Variants in MAGI2 observed in about 807,000 individuals in gnomAD.
The protein encoded by MAGI2 is membrane-associated guanylate kinase, WW and PDZ domain-containing protein 2.
A neutral mutation model predicts 133.3 loss-of-function variants in MAGI2; 35 were observed. The ratio of observed to expected loss-of-function variants is 0.26; its 90% CI spans 0.20 to 0.35. The LOEUF (loss-of-function observed/expected upper bound fraction) is 0.35, where lower values mean the gene tolerates loss of function less well. MAGI2 is among the 10% of genes least tolerant of loss of function. MAGI2 has a pLI of 1.00. For synonymous variants in MAGI2, 729 were observed against 710.6 expected (o/e 1.03, Z -0.41); for missense variants, 1,636 against 1,863.4 (o/e 0.88, Z 2.25).
At chr7:79,020,321 G>A (rs1263405677) in intron 1 of MAGI2, among the ~76,000 whole-genome samples, 1 of 152,152 alleles carries the variant, frequency 6.6e-6, no homozygotes, top group Non-Finnish European at 1.5e-5. Context: ...TCAGTGTTAT[G>A]TATTCACAAA....
intron 2 of MAGI2, among the ~76,000 whole-genome samples, chr7:78,875,447 G>A (rs553474838): frequency 2.0e-5 from 3 of 152,248 alleles, no homozygotes; most frequent in South Asian, 4.1e-4. Flanking sequence ...AAACTACACA[G>A]GCTCAGAAGA....
At chr7:78,853,348 T>TCG (rs1793329079) in intron 2 of MAGI2, among the ~76,000 whole-genome samples, 2 of 86,004 alleles carry the variant, frequency 2.3e-5, no homozygotes, top group African/African-American at 8.6e-5. Context: ...TTTTTTTTTT[T>TCG]TTTTTTTTTT....
chr7:79,310,309 G>A (rs1056411770), intron 1 of MAGI2, among the ~76,000 whole-genome samples: 4 of 151,734 alleles, frequency 2.6e-5, no homozygotes, highest in Admixed American at 6.6e-5. Flanking sequence ...AATCCATGGA[G>A]GGATGAAAGA....
chr7:78,342,203 A>AT (rs1221590630), intron 9 of MAGI2, among the ~76,000 whole-genome samples: 2 of 152,246 alleles, frequency 1.3e-5, no homozygotes, highest in African/African-American at 4.8e-5. Context: ...AACATAAAAA[A>AT]AGGCTCATCA....
At chr7:78,506,465 G>T (rs766166659) in intron 4 of MAGI2, among the ~76,000 whole-genome samples, 18 of 152,098 alleles carry the variant, frequency 1.2e-4, no homozygotes, top group Admixed American at 1.1e-3. Flanking sequence ...CAAGAGACAG[G>T]GTGAGAAGTG....
chr7:78,580,216 C>T (rs1802693656), intron 3 of MAGI2, among the ~76,000 whole-genome samples: 1 of 151,940 alleles, frequency 6.6e-6, no homozygotes, highest in Non-Finnish European at 1.5e-5. Context: ...AGATCAAAAA[C>T]ACACATGCTA....
At chr7:78,218,779 G>T (rs1280066979) in intron 10 of MAGI2, among the ~76,000 whole-genome samples, 3 of 152,176 alleles carry the variant, frequency 2.0e-5, no homozygotes, top group African/African-American at 2.4e-5. Flanking sequence ...GTAGCGTGGG[G>T]CTCATTCTCA....
chr7:78,739,135 T>C (rs1386266325), intron 2 of MAGI2, among the ~76,000 whole-genome samples: 1 of 152,154 alleles, frequency 6.6e-6, no homozygotes, highest in Non-Finnish European at 1.5e-5. Flanking sequence ...AATGCTTTTT[T>C]CCCCCTCAGT....
intron 6 of MAGI2, among the ~76,000 whole-genome samples, chr7:78,481,318 T>C (rs1000020927): frequency 1.3e-5 from 2 of 151,196 alleles, no homozygotes; most frequent in African/African-American, 4.9e-5. Flanking sequence ...AGAGGGAGAG[T>C]GTGTGTGAGT....
At chr7:78,802,293 TA>T (rs1788134297) in intron 2 of MAGI2, among the ~76,000 whole-genome samples, 1 of 152,220 alleles carries the variant, frequency 6.6e-6, no homozygotes, top group African/African-American at 2.4e-5. Context: ...AGTGTTTTTT[TA>T]ATGCCTGTAT....
chr7:78,255,826 T>C (rs1163276688), intron 10 of MAGI2, 117 bp downstream of exon 10: 1 of 1,097,366 alleles, frequency 9.1e-7, no homozygotes, highest in Non-Finnish European at 1.3e-6. Flanking sequence ...TCTTTAAGCT[T>C]TATTTTTTAA....
chr7:78,183,353 C>T (rs1334459378), intron 13 of MAGI2, among the ~76,000 whole-genome samples: 3 of 150,442 alleles, frequency 2.0e-5, no homozygotes, highest in Non-Finnish European at 3.0e-5. Flanking sequence ...GCAACCTCCA[C>T]TTCCCAGGTT....
chr7:78,252,915 T>A (rs1014336269), intron 10 of MAGI2: 5 of 130,450 alleles, frequency 3.8e-5, no homozygotes, highest in African/African-American at 1.2e-4. Flanking sequence ...CACTCCAGCC[T>A]GGGCAACAGA....
chr7:78,539,642 G>A (rs1798247678), intron 3 of MAGI2, among the ~76,000 whole-genome samples: 1 of 152,118 alleles, frequency 6.6e-6, no homozygotes, highest in Non-Finnish European at 1.5e-5. Flanking sequence ...TTGAATCAAT[G>A]TTGACCAGGC....
intron 1 of MAGI2, among the ~76,000 whole-genome samples, chr7:79,416,714 C>CTT (rs1434721644): frequency 8.9e-6 from 1 of 111,844 alleles, no homozygotes; most frequent in East Asian, 3.0e-4. Flanking sequence ...TTTTTCTTTT[C>CTT]TTTTCTTTTT....
chr7:79,321,174 A>G (rs1465668652), intron 1 of MAGI2, among the ~76,000 whole-genome samples: 1 of 152,188 alleles, frequency 6.6e-6, no homozygotes, highest in Non-Finnish European at 1.5e-5. Context: ...TCACTTAATA[A>G]CACTGTTAAT....
intron 9 of MAGI2, among the ~76,000 whole-genome samples, chr7:78,343,310 A>T (rs4371942): frequency 0.67 from 102,286 of 152,100 alleles, 35,291 homozygotes; most frequent in African/African-American, 0.8. Flanking sequence ...ATTAAAACAT[A>T]ATATAGGGAC....
At chr7:79,248,071 G>C (rs1203254805) in intron 1 of MAGI2, among the ~76,000 whole-genome samples, 2 of 152,060 alleles carry the variant, frequency 1.3e-5, no homozygotes, top group Admixed American at 1.3e-4. Flanking sequence ...ACACAGAGTA[G>C]CTGAGTGGAT....
At chr7:78,626,481 C>T (rs537187282) in intron 3 of MAGI2, among the ~76,000 whole-genome samples, 2 of 152,224 alleles carry the variant, frequency 1.3e-5, no homozygotes, top group African/African-American at 4.8e-5. Flanking sequence ...TAGTTTGAAA[C>T]AGAGATTTTG....
Sources: gnomAD v4.1 joint callset for allele counts (sites outside exome capture counted in the v4.1 genomes callset) on GRCh38, gnomAD v4.1.1 for gene constraint, MANE v1.5 for transcripts, NCBI Gene and HGNC (gene_info 2026-07-23, HGNC 2026-07-21) for gene names.